Variants in PGPEP1L observed in about 807,000 individuals in gnomAD.
PGPEP1L encodes pyroglutamyl-peptidase I like.
PGPEP1L carries 7 observed loss-of-function variants against 6.0 expected under a neutral mutation model. That is an observed-to-expected ratio of 1.17 (90% confidence interval 0.66 to 2.19). The LOEUF (loss-of-function observed/expected upper bound fraction) is 2.19, where lower values mean the gene tolerates loss of function less well. Among genes scored for constraint, PGPEP1L ranks in the 30% most tolerant of loss-of-function variants. The pLI is 0.00. For missense variants in PGPEP1L, 209 were observed against 192.5 expected (o/e 1.09, Z -0.51); for synonymous variants, 103 against 83.9 (o/e 1.23, Z -1.24).
Position 98,969,331 on chromosome 15 carries a change from G to A in PGPEP1L, c.209+94C>T, listed in dbSNP as rs188313435. ...CACCGCATGGCCAAGTGGCCAGCTG[G>A]ACGATACAGGATGGCTTCTTGGAGG... On this transcript the variant is annotated intron_variant, in intron 4 of 4. Transcript: ENST00000535714. The A allele has an allele frequency of 4.5e-5, 68 of 1,511,238 alleles. 1 individual carries two copies. The Admixed American group carries it at 9.5e-4, about 21-fold the overall frequency. 93.6% of individuals were successfully genotyped at this position (1,511,238 alleles called of 1,614,324 possible). A position where few individuals can be genotyped will look rare whatever the true frequency, so the allele number is the denominator to read the frequency against.
At chr15:98,981,122 CA>C (rs1040117735) in intron 2 of PGPEP1L, among the ~76,000 whole-genome samples, 2 of 152,106 alleles carry the variant, frequency 1.3e-5, no homozygotes, top group African/African-American at 4.8e-5. Context: ...ATGAGAAAAG[CA>C]GCAGAAAAGT....
In PGPEP1L at chr15:98,968,449, C is replaced by T. The variant is rs767963510; in HGVS notation, c.*29G>A. 7.0e-5 allele frequency: 112 copies of T among 1,595,680 alleles called. No individual in the cohort carries two copies. Among genetic ancestry groups the T allele is most frequent in the Non-Finnish European group, 8.6e-5 (101 of 1,169,178 alleles). On this transcript the variant is annotated 3_prime_UTR_variant, in exon 5 of 5. Coordinates refer to ENST00000535714, the MANE Select transcript of PGPEP1L (RefSeq NM_001167902.2). ...GTGCTACATACAGGATTGAAACATT[C>T]AATTTTCTCTAGAGGAGCAATCCCC... is the stretch of plus-strand genomic sequence containing the variant.
At chr15:98,969,291 G>T (rs1225594552) in intron 4 of PGPEP1L, 134 bp downstream of exon 4, 12 of 1,088,242 alleles carry the variant, frequency 1.1e-5, no homozygotes, top group Non-Finnish European at 1.6e-5. Flanking sequence ...GCAAAGAGGG[G>T]CAATCTGGGG....
At chr15:99,007,289 C>T (rs550201914) in intron 1 of PGPEP1L, 70 bp downstream of exon 1, 1 of 152,238 alleles carries the variant, frequency 6.6e-6, no homozygotes, top group Admixed American at 6.5e-5. Context: ...TCTCAATATA[C>T]CCCGGATGCA....
chr15:98,983,261 C>A (rs2017695408), intron 2 of PGPEP1L, among the ~76,000 whole-genome samples: 1 of 152,020 alleles, frequency 6.6e-6, no homozygotes, highest in Non-Finnish European at 1.5e-5. Context: ...CATCCTAAAG[C>A]ACCGTTCAGC....
chr15:98,973,880 A>C (rs796879115), intron 2 of PGPEP1L, among the ~76,000 whole-genome samples: 1 of 152,226 alleles, frequency 6.6e-6, no homozygotes, highest in African/African-American at 2.4e-5. Context: ...AATTCAAACT[A>C]AAAAAGCAAT....
intron 2 of PGPEP1L, among the ~76,000 whole-genome samples, chr15:98,997,161 C>G (rs941933125): frequency 6.6e-6 from 1 of 152,114 alleles, no homozygotes; most frequent in African/African-American, 2.4e-5. Flanking sequence ...CACACAGGAG[C>G]CCATGAAAGC....
rs1191757231 is a variant in PGPEP1L, at chr15:99,005,407, GAA to G, written c.-142+20_-142+21del. 1.3e-5 allele frequency: 2 copies of G among 152,568 alleles called. No homozygotes were observed. The highest frequency in any genetic ancestry group is 2.9e-5 in the Non-Finnish European group (2 of 68,088). The allele number at this position is 152,568 out of a possible 1,614,324, so 9.5% of individuals were successfully genotyped here. On this transcript the variant is annotated intron_variant, in intron 2 of 4. Transcript: ENST00000535714. ...GCTAAAAGCAGCAACAAATAGGAGA[GAA>G]AAAAATTATGTAGTCTTACCAGTCA...
chr15:98,980,923 A>T (rs1488459902), intron 2 of PGPEP1L, among the ~76,000 whole-genome samples: 1 of 136,630 alleles, frequency 7.3e-6, no homozygotes, highest in African/African-American at 2.7e-5. Context: ...ACACAGAGAG[A>T]CTCCATCTGG....
At chr15:98,979,627 ACTATT>A (rs1420829952) in intron 2 of PGPEP1L, among the ~76,000 whole-genome samples, 6 of 123,304 alleles carry the variant, frequency 4.9e-5, no homozygotes, top group African/African-American at 5.9e-5. Flanking sequence ...GGGATTGGAG[ACTATT>A]CTTTTTTTTT....
In PGPEP1L at chr15:98,969,450, C is replaced by T. The variant is rs372203076; in HGVS notation, c.184G>A (p.Val62Met). Residue 62 changes from valine to methionine, a missense_variant, in exon 4 of 5, where the codon GTG becomes ATG. Coordinates refer to ENST00000535714, the MANE Select transcript of PGPEP1L (RefSeq NM_001167902.2). Reference sequence around the variant, plus strand: ...CTGCCTGCATCTCGGGAAAAGATCACGTCGACACCCTCCACAGCTACGCGC... The same window carrying T: ...CTGCCTGCATCTCGGGAAAAGATCATGTCGACACCCTCCACAGCTACGCGC... ...CKRVAVEGVDVIFSRDAGRYV... is the reference protein window; with the variant it reads ...CKRVAVEGVDMIFSRDAGRYV... The T allele has an allele frequency of 4.3e-6, 7 of 1,614,034 alleles. No individual in the cohort carries two copies. Among genetic ancestry groups the T allele is most frequent in the Middle Eastern group, 1.6e-4 (1 of 6,062 alleles).
chr15:98,987,568 C>T (rs1021541194), intron 2 of PGPEP1L, among the ~76,000 whole-genome samples: 1 of 152,142 alleles, frequency 6.6e-6, no homozygotes, highest in Non-Finnish European at 1.5e-5. Context: ...GCAGTGGTGC[C>T]TTTACCCACC....
At chr15:98,968,795 G>A (rs1329164915) in intron 4 of PGPEP1L, 98 bp from the exon 5 acceptor site, 2 of 1,117,036 alleles carry the variant, frequency 1.8e-6, no homozygotes, top group Non-Finnish European at 2.6e-6. Flanking sequence ...AAAGCCTGAG[G>A]AGGGAGCACT....
Position 98,976,156 on chromosome 15 carries a change from C to A in PGPEP1L, c.-141-4998G>T, listed in dbSNP as rs527425641. On this transcript the variant is annotated intron_variant, in intron 2 of 4. Transcript: ENST00000535714. ...AGACACGATAGTAATGATAGTTGTA[C>A]AACAATGTGAATGTACTTAATGCCA... 8.5e-5 allele frequency among the ~76,000 whole-genome samples: 13 copies of A among 152,082 alleles called. 1 individual carries two copies. The South Asian group carries it at 2.7e-3, about 32-fold the overall frequency.
chr15:99,001,597 T>C (rs576972764), intron 2 of PGPEP1L, among the ~76,000 whole-genome samples: 1 of 152,366 alleles, frequency 6.6e-6, no homozygotes, highest in South Asian at 2.1e-4. Flanking sequence ...TTAAAAACTT[T>C]TTATAATGGA....
chr15:98,994,992 A>G (rs76029393), intron 2 of PGPEP1L, among the ~76,000 whole-genome samples: 1,699 of 152,152 alleles, frequency 0.011, 39 homozygotes, highest in African/African-American at 0.039. Context: ...TGTTTTTGGT[A>G]TTCTGTAGCT....
At chr15:98,975,041 A>G (rs1160625946) in intron 2 of PGPEP1L, among the ~76,000 whole-genome samples, 2 of 152,218 alleles carry the variant, frequency 1.3e-5, no homozygotes, top group Non-Finnish European at 2.9e-5. Context: ...AGCATTATTC[A>G]TAATAGCCAG....
At chr15:99,006,364 A>G (rs1555473630) in intron 1 of PGPEP1L, among the ~76,000 whole-genome samples, 1 of 152,224 alleles carries the variant, frequency 6.6e-6, no homozygotes, top group Non-Finnish European at 1.5e-5. Flanking sequence ...GGACTCCTTA[A>G]ACATGCCACT....
intron 2 of PGPEP1L, among the ~76,000 whole-genome samples, chr15:99,000,588 G>A (rs560056602): frequency 6.6e-6 from 1 of 152,196 alleles, no homozygotes; most frequent in Admixed American, 6.5e-5. Flanking sequence ...GTCTAGCTCA[G>A]GGTTTGTGAA....
Sources: allele counts gnomAD v4.1 joint callset (sites outside exome capture counted in the v4.1 genomes callset), GRCh38; gene constraint gnomAD v4.1.1; transcripts MANE v1.5; gene names NCBI Gene and HGNC (gene_info 2026-07-23, HGNC 2026-07-21).